The following CFAP299 variants were observed in gnomAD, a reference collection of about 807,000 sequenced individuals.
CFAP299 encodes cilia and flagella associated protein 299.
In CFAP299, 21 loss-of-function variants were observed where a neutral mutation model predicts 27.0. The ratio of observed to expected loss-of-function variants is 0.78; its 90% CI spans 0.55 to 1.12. The LOEUF (loss-of-function observed/expected upper bound fraction) is 1.12, where lower values mean the gene tolerates loss of function less well. CFAP299 is among the 50% of genes most tolerant of loss of function. CFAP299 has a pLI of 0.00. For missense variants in CFAP299, 310 were observed against 276.6 expected (o/e 1.12, Z -0.86); for synonymous variants, 104 against 98.1 (o/e 1.06, Z -0.36).
intron 2 of CFAP299, among the ~76,000 whole-genome samples, chr4:80,401,321 C>T (rs1303056357): frequency 1.3e-5 from 2 of 152,172 alleles, no homozygotes; most frequent in African/African-American, 4.8e-5. Context: ...GCAGCCCCTC[C>T]CATCACAGGC....
intron 2 of CFAP299, among the ~76,000 whole-genome samples, chr4:80,445,956 T>G (rs1360556928): frequency 6.6e-6 from 1 of 152,178 alleles, no homozygotes; most frequent in Admixed American, 6.6e-5. Context: ...CTTTAAAAAC[T>G]TTCAGGTCTT....
chr4:80,514,305 C>T (rs560232026), intron 2 of CFAP299, among the ~76,000 whole-genome samples: 27 of 152,094 alleles, frequency 1.8e-4, no homozygotes, highest in East Asian at 5.8e-4. Flanking sequence ...GCTCTTTGAT[C>T]ATGTTATTAA....
At chr4:80,882,777 TAA>T (rs771947377) in intron 4 of CFAP299, among the ~76,000 whole-genome samples, 1 of 151,828 alleles carries the variant, frequency 6.6e-6, no homozygotes, top group African/African-American at 2.4e-5. Flanking sequence ...TTCAAAATAT[TAA>T]AAGAGAAAAA....
intron 3 of CFAP299, among the ~76,000 whole-genome samples, chr4:80,637,678 G>C (rs548062573): frequency 3.3e-5 from 5 of 152,232 alleles, no homozygotes; most frequent in African/African-American, 9.6e-5. Flanking sequence ...AAACATGTAA[G>C]GTAGTCTCAT....
chr4:80,835,567 C>T (rs1730519844), intron 3 of CFAP299, among the ~76,000 whole-genome samples: 1 of 151,380 alleles, frequency 6.6e-6, no homozygotes, highest in African/African-American at 2.4e-5. Flanking sequence ...GGTTCTAATC[C>T]CTGGAAACCT....
Position 80,583,183 on chromosome 4 carries a change from T to C in CFAP299, c.333T>C (p.Ser111=), listed in dbSNP as rs1190519564. ...AAGACAATCGCAGTGGAAAACTGAG[T>C]GTAAGTACATTTCATCCAACAGCTT... ...REEDNRSGKL[S]SVIFIRDRNS... The change falls in exon 3 of 6, where the codon AGT becomes AGC. Residue 111 remains serine, a splice_region_variant and synonymous_variant. Coordinates refer to ENST00000358105, the MANE Select transcript of CFAP299 (RefSeq NM_152770.3). 5 of 1,591,668 alleles carry C rather than the reference T, an allele frequency of 3.1e-6. No homozygotes were observed. The South Asian group carries it at 4.5e-5, about 14-fold the overall frequency.
chr4:80,763,421 ACAAC>A (rs1307256838), intron 3 of CFAP299, among the ~76,000 whole-genome samples: 2 of 152,216 alleles, frequency 1.3e-5, no homozygotes, highest in Non-Finnish European at 2.9e-5. Flanking sequence ...CTCTTCAAGG[ACAAC>A]TACAAACCAC....
intron 5 of CFAP299, among the ~76,000 whole-genome samples, chr4:80,956,714 A>G (rs141244201): frequency 2.6e-4 from 40 of 151,908 alleles, no homozygotes; most frequent in Non-Finnish European, 5.2e-4. Context: ...ACCCAAATTA[A>G]TGGGATTATA....
At chr4:80,711,874 G>C (rs1291916530) in intron 3 of CFAP299, among the ~76,000 whole-genome samples, 1 of 152,094 alleles carries the variant, frequency 6.6e-6, no homozygotes, top group Non-Finnish European at 1.5e-5. Flanking sequence ...CAAACATTGT[G>C]GAATACAAGT....
intron 1 of CFAP299, among the ~76,000 whole-genome samples, chr4:80,343,232 C>T (rs1459813330): frequency 6.6e-6 from 1 of 152,124 alleles, no homozygotes; most frequent in Non-Finnish European, 1.5e-5. Flanking sequence ...TGGTGAGAGA[C>T]ATTAACACCC....
At chr4:80,390,114 C>A (rs1398006535) in intron 2 of CFAP299, among the ~76,000 whole-genome samples, 7 of 151,872 alleles carry the variant, frequency 4.6e-5, no homozygotes, top group Non-Finnish European at 1.5e-5. Flanking sequence ...CATCACAATA[C>A]CTTTATTTTA....
intron 4 of CFAP299, among the ~76,000 whole-genome samples, chr4:80,907,303 C>T (rs2088185): frequency 1.3e-5 from 2 of 152,016 alleles, no homozygotes; most frequent in Non-Finnish European, 2.9e-5. Context: ...AGTCTCCAGG[C>T]AGTTGCAAAC....
At chr4:80,832,776 G>A (rs535927323) in intron 3 of CFAP299, among the ~76,000 whole-genome samples, 23 of 152,068 alleles carry the variant, frequency 1.5e-4, no homozygotes, top group Admixed American at 6.5e-5. Flanking sequence ...TGGAATCATT[G>A]GTTAAGTACA....
chr4:80,858,754 T>A (rs1732104121), intron 3 of CFAP299, among the ~76,000 whole-genome samples: 1 of 152,236 alleles, frequency 6.6e-6, no homozygotes, highest in Non-Finnish European at 1.5e-5. Context: ...TCTAGTTTGA[T>A]TGCACTCTGG....
chr4:80,753,214 A>G (rs1209485185), intron 3 of CFAP299, among the ~76,000 whole-genome samples: 2 of 152,114 alleles, frequency 1.3e-5, no homozygotes, highest in Admixed American at 6.6e-5. Context: ...TTTTGTCTAC[A>G]AAAGTATTTA....
At position 80,775,628 on chromosome 4, in the gene CFAP299, A is replaced by T. The variant is rs531707222; in HGVS notation, c.334-94365A>T. Among the ~76,000 whole-genome samples, 99 of 152,084 alleles carry T rather than the reference A, an allele frequency of 6.5e-4. 2 individuals are homozygous for T. The highest frequency in any genetic ancestry group is 1.0e-3 in the Non-Finnish European group (70 of 67,958). ...TAAGAAATAACTTGAAAGTTTACTA[A>T]AAAAAAGCACCAGAACACTAAAAGT... On this transcript the variant is annotated intron_variant, in intron 3 of 5. Coordinates refer to ENST00000358105, the MANE Select transcript of CFAP299 (RefSeq NM_152770.3).
chr4:80,430,452 T>G lies in CFAP299; in HGVS notation c.242+67568T>G, dbSNP rs147925937. ...AATTTCCTTTGCTGGTTCCTCTTTA[T>G]CCTCTGAATTTCTTAATGTTGAGGT... On this transcript the variant is annotated intron_variant, in intron 2 of 5. Transcript: ENST00000358105. Among the ~76,000 whole-genome samples the G allele has an allele frequency of 6.2e-3, 943 of 152,360 alleles. 2 individuals are homozygous for G. Among genetic ancestry groups the G allele is most frequent in the Middle Eastern group, 0.024 (7 of 294 alleles).
chr4:80,420,663 T>G (rs1162523403), intron 2 of CFAP299, among the ~76,000 whole-genome samples: 1 of 152,216 alleles, frequency 6.6e-6, no homozygotes, highest in Non-Finnish European at 1.5e-5. Context: ...TTTTGAATAT[T>G]TATCCCTTAT....
chr4:80,323,881 T>C, the CFAP299 span, among the ~76,000 whole-genome samples: 1 of 152,222 alleles, frequency 6.6e-6, no homozygotes, highest in East Asian at 1.9e-4. Flanking sequence ...TTAGAATGAT[T>C]GCCAATAGTC....
Sources: gnomAD v4.1 joint callset for allele counts (sites outside exome capture counted in the v4.1 genomes callset) on GRCh38, gnomAD v4.1.1 for gene constraint, MANE v1.5 for transcripts, NCBI Gene and HGNC (gene_info 2026-07-23, HGNC 2026-07-21) for gene names.